FBXO46: variants seen among roughly 807,000 people sequenced by gnomAD.
The protein encoded by FBXO46 is F-box only protein 46.
FBXO46 carries 13 observed loss-of-function variants against 30.7 expected under a neutral mutation model. That is an observed-to-expected ratio of 0.42 (90% CI 0.28 to 0.67). FBXO46 has a LOEUF of 0.67. FBXO46 is among the 30% of genes least tolerant of loss of function. FBXO46 has a pLI of 0.21. For missense variants in FBXO46, 754 were observed against 871.5 expected (o/e 0.87, Z 1.70); for synonymous variants, 467 against 385.8 (o/e 1.21, Z -2.47).
intron 1 of FBXO46, among the ~76,000 whole-genome samples, chr19:45,724,549 T>G (rs1276504858): frequency 2.0e-5 from 3 of 152,102 alleles, no homozygotes; most frequent in Non-Finnish European, 4.4e-5. Context: ...GGCTCATGCC[T>G]GTAACCCAGC....
In FBXO46 at chr19:45,711,889, C is replaced by G. The variant is rs1568544025; in HGVS notation, c.1607G>C (p.Arg536Thr). Residue 536 changes from arginine (R) to threonine (T), a missense_variant, in exon 2 of 2, where the codon AGA (arginine) becomes ACA (threonine). Arg to Thr is a moderately conservative substitution (Grantham distance 71, BLOSUM62 -1). This residue lies in a region of FBXO46 where 162 missense variants were observed against 258.7 expected (regional missense o/e 0.63). Coordinates refer to ENST00000317683, the MANE Select transcript of FBXO46 (RefSeq NM_001080469.2). Reference protein sequence around the residue: ...RDDPCKQCRKRYEKGDVSLCR... With the variant: ...RDDPCKQCRKTYEKGDVSLCR... Reference sequence around the variant, plus strand: ...GAGCGACACGTCGCCCTTCTCGTATCTCTTGCGGCACTGTTTGCACGGATC... The same window carrying G: ...GAGCGACACGTCGCCCTTCTCGTATGTCTTGCGGCACTGTTTGCACGGATC... The G allele has an allele frequency of 6.2e-7, 1 of 1,613,698 alleles. No homozygotes were observed. Among genetic ancestry groups the G allele is most frequent in the Non-Finnish European group, 8.5e-7 (1 of 1,179,832 alleles).
upstream of FBXO46, among the ~76,000 whole-genome samples, chr19:45,732,272 G>A (rs541248924): frequency 3.5e-4 from 53 of 152,172 alleles, no homozygotes; most frequent in African/African-American, 1.3e-3. Flanking sequence ...AACCCTGGTA[G>A]GAATTACAAT....
chr19:45,713,345 C>T lies in FBXO46; in HGVS notation c.151G>A (p.Ala51Thr), dbSNP rs376603564. 1.4e-4 allele frequency: 222 copies of T among 1,613,024 alleles called. 1 individual carries two copies. The East Asian group carries it at 3.1e-3, about 23-fold the overall frequency. ...GGGAEPDHGP[A>T]HSENTPPALA... is the part of the protein sequence containing the mutation. Reference sequence around the variant, plus strand: ...GCGGGTGGTGTGTTCTCTGAGTGGGCAGGCCCATGGTCTGGCTCGGCCCCG... The same window carrying T: ...GCGGGTGGTGTGTTCTCTGAGTGGGTAGGCCCATGGTCTGGCTCGGCCCCG... The change falls in exon 2 of 2, where the codon GCC becomes ACC. Residue 51 changes from alanine (A) to threonine (T), a missense_variant. This residue lies in a region of FBXO46 where 97 missense variants were observed against 113.0 expected (regional missense o/e 0.86). Transcript: ENST00000317683. The surrounding 1 kb of genome is among the most constrained non-coding windows in gnomAD (Gnocchi z 4.7).
rs748289562 is a variant in FBXO46, at chr19:45,712,546, T to C, written c.950A>G (p.Asp317Gly). Residue 317 changes from aspartate to glycine, a missense_variant, in exon 2 of 2, where the codon GAT (aspartate) becomes GGT (glycine). Physicochemically the swap from Asp to Gly is moderately conservative, Grantham distance 94. This residue lies in a region of FBXO46 where 454 missense variants were observed against 426.5 expected (regional missense o/e 1.06). Transcript: ENST00000317683. This position sits in a 1 kb window ranked among gnomAD's most constrained non-coding sequence, Gnocchi z 8.8. Reference protein sequence around the residue: ...DLYQLISPSRDALPSNVEFLL... With the variant: ...DLYQLISPSRGALPSNVEFLL... The stretch of plus-strand genomic sequence containing the variant: ...GAACTCCACGTTGCTGGGGAGGGCA[T>C]CCCGCGAGGGGCTGATGAGCTGGTA... 10 of 1,598,506 alleles carry C rather than the reference T, an allele frequency of 6.3e-6. No homozygotes were observed. The highest frequency in any genetic ancestry group is 8.5e-6 in the Non-Finnish European group (10 of 1,171,384).
chr19:45,712,823 T>C lies in FBXO46; in HGVS notation c.673A>G (p.Ser225Gly). ...TGGGCCACGGCCTCGGCTACACGGC[T>C]GCAGTCCCCACCACCGGACCGCCGT... ...SERRSGGGDC[S>G]RVAEAVAHFE... Residue 225 changes from serine (S) to glycine (G), a missense_variant, in exon 2 of 2, where the codon AGC becomes GGC. Ser to Gly is a moderately conservative substitution (Grantham distance 56). Around this residue, in one of 5 missense-constraint regions of FBXO46, gnomAD observed 454 missense variants for 426.5 expected, o/e 1.06. Transcript: ENST00000317683. This position sits in a 1 kb window ranked among gnomAD's most constrained non-coding sequence, Gnocchi z 8.8. 1 of 1,612,852 alleles carries C rather than the reference T, an allele frequency of 6.2e-7. No individual in the cohort carries two copies. Among genetic ancestry groups the C allele is most frequent in the African/African-American group, 1.3e-5 (1 of 75,036 alleles).
At chr19:45,725,454 T>C (rs540007241) in intron 1 of FBXO46, among the ~76,000 whole-genome samples, 1 of 151,870 alleles carries the variant, frequency 6.6e-6, no homozygotes, top group East Asian at 1.9e-4. Context: ...CTAAAACACT[T>C]GTGGGCCAGG....
Position 45,713,475 on chromosome 19 carries a change from C to T in FBXO46, c.21G>A (p.Leu7=), listed in dbSNP as rs1173759578. The T allele has an allele frequency of 1.3e-6, 2 of 1,576,856 alleles. No individual in the cohort carries two copies. The highest frequency in any genetic ancestry group is 1.7e-5 in the Admixed American group (1 of 57,514). MDRGSL[L]PFQLWCPRPF... ...GCCGGGGGCACCATAGCTGGAAGGG[C>T]AGGAGGCTCCCACGGTCCATGCTGG... The change falls in exon 2 of 2, where the codon CTG becomes CTA. Residue 7 remains leucine (L), a synonymous_variant. Transcript: ENST00000317683. The surrounding 1 kb of genome is among the most constrained non-coding windows in gnomAD (Gnocchi z 4.7).
At chr19:45,733,026 C>T (rs1968347796), upstream of FBXO46, among the ~76,000 whole-genome samples, 1 of 152,152 alleles carries the variant, frequency 6.6e-6, no homozygotes, top group African/African-American at 2.4e-5. This position sits in a 1 kb window ranked among gnomAD's most constrained non-coding sequence, Gnocchi z 5.7. Context: ...TGGTGCTTGG[C>T]ACACAGGAGG....
chr19:45,711,622 C>G lies in FBXO46; in HGVS notation c.*62G>C, dbSNP rs966564384. 3.0e-6 allele frequency: 4 copies of G among 1,341,230 alleles called. No homozygotes were observed. Among genetic ancestry groups the G allele is most frequent in the Non-Finnish European group, 4.1e-6 (4 of 969,676 alleles). The allele number at this position is 1,341,230 out of a possible 1,614,324, so 83.1% of individuals were successfully genotyped here. ...GGGCAGGCGGCCCAGTCCGGACCCT[C>G]GGCTCCCGGGGGGAGAGGGGAGGGG... is the stretch of plus-strand genomic sequence containing the variant. On this transcript the variant is annotated 3_prime_UTR_variant, in exon 2 of 2. Transcript: ENST00000317683.
chr19:45,719,729 C>T (rs949351710), intron 1 of FBXO46, among the ~76,000 whole-genome samples: 14 of 152,168 alleles, frequency 9.2e-5, no homozygotes, highest in African/African-American at 1.7e-4. Flanking sequence ...CATTGTTGGG[C>T]GCTGGAACAC....
At chr19:45,718,494 T>TA in intron 1 of FBXO46, among the ~76,000 whole-genome samples, 1 of 152,266 alleles carries the variant, frequency 6.6e-6, no homozygotes, top group Middle Eastern at 3.4e-3. Flanking sequence ...CATTGCTGTC[T>TA]ATTCCTCAAA....
chr19:45,711,610 A>T lies in FBXO46; in HGVS notation c.*74T>A. The stretch of plus-strand genomic sequence containing the variant: ...GAGTAGGGGAATGGGCAGGCGGCCC[A>T]GTCCGGACCCTCGGCTCCCGGGGGG... On this transcript the variant is annotated 3_prime_UTR_variant, in exon 2 of 2. Coordinates refer to ENST00000317683, the MANE Select transcript of FBXO46 (RefSeq NM_001080469.2). The T allele has an allele frequency of 8.5e-7, 1 of 1,180,820 alleles. No individual in the cohort carries two copies. The highest frequency in any genetic ancestry group is 1.2e-6 in the Non-Finnish European group (1 of 823,266). 73.1% of individuals were successfully genotyped at this position (1,180,820 alleles called of 1,614,324 possible).
Position 45,712,805 on chromosome 19 carries a change from C to G in FBXO46, c.691G>C (p.Val231Leu). Residue 231 changes from valine to leucine, a missense_variant, in exon 2 of 2, where the codon GTG (valine) becomes CTG (leucine). Val to Leu is a conservative substitution (Grantham distance 32). Transcript: ENST00000317683. This position sits in a 1 kb window ranked among gnomAD's most constrained non-coding sequence, Gnocchi z 8.8. The stretch of plus-strand genomic sequence containing the variant: ...TCCCTCTGCGCTTCAAAGTGGGCCA[C>G]GGCCTCGGCTACACGGCTGCAGTCC... ...GGDCSRVAEA[V>L]AHFEAQRDSP... The G allele has an allele frequency of 1.9e-6, 3 of 1,612,144 alleles. No individual in the cohort carries two copies. Among genetic ancestry groups the G allele is most frequent in the Non-Finnish European group, 2.5e-6 (3 of 1,179,136 alleles).
intron 1 of FBXO46, among the ~76,000 whole-genome samples, chr19:45,720,623 A>C (rs1011888918): frequency 6.6e-6 from 1 of 151,874 alleles, no homozygotes; most frequent in African/African-American, 2.4e-5. Flanking sequence ...ACGCCCAGCT[A>C]ATTTTTACAT....
At position 45,712,071 on chromosome 19, in the gene FBXO46, C is replaced by T. The variant is rs1197140195; in HGVS notation, c.1425G>A (p.Leu475=). 1 of 1,609,936 alleles carries T rather than the reference C, an allele frequency of 6.2e-7. No individual in the cohort carries two copies. Among genetic ancestry groups the T allele is most frequent in the South Asian group, 1.1e-5 (1 of 90,638 alleles). ...TCTTGACCAGCACGTGCTCGGGCAG[C>T]AGCAGCATGTACTGTCGCGGCTCCA... The part of the protein sequence containing the change: ...RLLEPRQYML[L]LPEHVLVKIF... Residue 475 remains leucine, a synonymous_variant, in exon 2 of 2, where the codon CTG becomes CTA. Transcript: ENST00000317683. The surrounding 1 kb of genome is among the most constrained non-coding windows in gnomAD (Gnocchi z 8.8).
chr19:45,713,528 A>G lies in FBXO46; in HGVS notation c.-33T>C, dbSNP rs751933569. On this transcript the variant is annotated 5_prime_UTR_variant, in exon 2 of 2. The change abolishes the stop of an existing upstream ORF in the 5' untranslated region. Coordinates refer to ENST00000317683, the MANE Select transcript of FBXO46 (RefSeq NM_001080469.2). This position sits in a 1 kb window ranked among gnomAD's most constrained non-coding sequence, Gnocchi z 4.7. ...GATGATGGCAGACAGGCTGGGCTTC[A>G]GCGCATCTCAGGACCTAGGTGGTGG... 5.3e-6 allele frequency: 8 copies of G among 1,507,898 alleles called. No homozygotes were observed. The highest frequency in any genetic ancestry group is 7.1e-6 in the Non-Finnish European group (8 of 1,120,780). The allele number at this position is 1,507,898 out of a possible 1,614,324, so 93.4% of individuals were successfully genotyped here. A position where few individuals can be genotyped will look rare whatever the true frequency, so the allele number is the denominator to read the frequency against.
chr19:45,726,660 G>A (rs1242986210), intron 1 of FBXO46, among the ~76,000 whole-genome samples: 3 of 151,282 alleles, frequency 2.0e-5, no homozygotes, highest in Non-Finnish European at 4.4e-5. Context: ...AAAAAAAATT[G>A]TTTGTAGAGA....
chr19:45,723,198 C>A (rs1281724981), intron 1 of FBXO46, among the ~76,000 whole-genome samples: 1 of 152,132 alleles, frequency 6.6e-6, no homozygotes, highest in East Asian at 1.9e-4. Flanking sequence ...CAAAGTGAGA[C>A]CACATCTCTA....
At chr19:45,732,854 G>T (rs1163003429), upstream of FBXO46, among the ~76,000 whole-genome samples, 1 of 151,822 alleles carries the variant, frequency 6.6e-6, no homozygotes, top group Non-Finnish European at 1.5e-5. Context: ...GTCCTCCCAA[G>T]AAGGCCCAAT....
Sources: allele counts gnomAD v4.1 joint callset (sites outside exome capture counted in the v4.1 genomes callset), GRCh38; gene constraint gnomAD v4.1.1; regional missense constraint gnomAD v4.1.1; non-coding constraint Gnocchi (gnomAD v3.1); transcripts MANE v1.5; gene names NCBI Gene and HGNC (gene_info 2026-07-23, HGNC 2026-07-21).